The following LUC7L2 variants were observed in gnomAD, a reference collection of about 807,000 sequenced individuals.
The protein encoded by LUC7L2 is LUC7 like 2, pre-mRNA splicing factor, also known as putative RNA-binding protein Luc7-like 2.
LUC7L2 carries 25 observed loss-of-function variants against 52.8 expected under a neutral mutation model. The observed-to-expected ratio is 0.47, with a 90% CI of 0.34 to 0.66. The LOEUF is 0.66. LUC7L2 is among the 30% of genes least tolerant of loss of function. LUC7L2 has a pLI of 0.01. For missense variants in LUC7L2, 328 were observed against 497.8 expected (o/e 0.66, Z 3.25); for synonymous variants, 144 against 160.9 (o/e 0.89, Z 0.80).
At chr7:139,413,863 A>G (rs919585394) in intron 8 of LUC7L2, among the ~76,000 whole-genome samples, 4 of 152,224 alleles carry the variant, frequency 2.6e-5, no homozygotes, top group African/African-American at 9.6e-5. Context: ...ACTAAAGAAC[A>G]TTAATAAGTG....
chr7:139,407,006 T>TTTTTG (rs1468071767), intron 5 of LUC7L2, among the ~76,000 whole-genome samples, 168 bp from the exon 6 acceptor site: 3 of 145,022 alleles, frequency 2.1e-5, no homozygotes, highest in Non-Finnish European at 4.5e-5. Context: ...TTGTGGTTTT[T>TTTTTG]TTTTTTTTTT....
chr7:139,352,096 G>A (rs971604691), intron 1 of LUC7L2, among the ~76,000 whole-genome samples: 9 of 152,170 alleles, frequency 5.9e-5, no homozygotes, highest in African/African-American at 2.2e-4. Flanking sequence ...TCAGGAGGCC[G>A]AGGTAGGAAG....
chr7:139,418,961 A>G (rs1456544472), intron 9 of LUC7L2, among the ~76,000 whole-genome samples: 2 of 152,080 alleles, frequency 1.3e-5, no homozygotes, highest in African/African-American at 4.8e-5. Flanking sequence ...AAATACAAAC[A>G]TTAGCCGGGC....
chr7:139,417,759 G>A (rs1795688373), intron 9 of LUC7L2, 30 bp downstream of exon 9: 3 of 1,601,052 alleles, frequency 1.9e-6, no homozygotes, highest in African/African-American at 1.3e-5. Flanking sequence ...AGGATATGGA[G>A]CTACCTTAAT....
rs1293269830 is a variant in LUC7L2 at position 139,383,404 on chromosome 7, G to T, written c.156+7248G>T. Among the ~76,000 whole-genome samples, 3 of 140,942 alleles carry T rather than the reference G, an allele frequency of 2.1e-5. No homozygotes were observed. The East Asian group carries it at 6.6e-4, about 31-fold the overall frequency. 92.5% of individuals were successfully genotyped at this position (140,942 alleles called of 152,430 possible). ...AAGTGGAGAGTATCTTGGCTTTATT[G>T]GATTTATTTATTTATTTATTTTTTG... On this transcript the variant is annotated intron_variant, in intron 2 of 9. Transcript: ENST00000354926.
chr7:139,352,546 GCTTA>G (rs1177464878), intron 1 of LUC7L2, among the ~76,000 whole-genome samples: 1 of 152,150 alleles, frequency 6.6e-6, no homozygotes, highest in African/African-American at 2.4e-5. Flanking sequence ...TAGTTTATAT[GCTTA>G]CTGATTTTAA....
At chr7:139,405,546 CTTAGA>C (rs1795082309) in intron 4 of LUC7L2, 93 bp from the exon 5 acceptor site, 1 of 1,404,194 alleles carries the variant, frequency 7.1e-7, no homozygotes, top group East Asian at 2.5e-5. Context: ...CACATACTGC[CTTAGA>C]TAACAAGTTT....
chr7:139,343,830 G>A (rs923429179), intron 1 of LUC7L2, among the ~76,000 whole-genome samples: 4 of 151,648 alleles, frequency 2.6e-5, no homozygotes, highest in African/African-American at 4.8e-5. Context: ...AGCTACTTGC[G>A]GGGCTGAGGC....
rs1004384604 is a variant in LUC7L2, at chr7:139,422,183, G to A, written c.1022G>A (p.Arg341Lys). The A allele has an allele frequency of 6.3e-7, 1 of 1,598,026 alleles. No individual in the cohort carries two copies. Among genetic ancestry groups the A allele is most frequent in the Non-Finnish European group, 8.5e-7 (1 of 1,176,158 alleles). The change falls in exon 10 of 10, where the codon AGA (arginine) becomes AAA (lysine). Residue 341 changes from arginine to lysine, a missense_variant. Arg to Lys is a conservative substitution (Grantham distance 26). Around this residue, in one of 2 missense-constraint regions of LUC7L2, gnomAD observed 195 missense variants for 223.3 expected, o/e 0.87. Coordinates refer to ENST00000354926, the MANE Select transcript of LUC7L2 (RefSeq NM_016019.5). ...SKRRSSKERF[R>K]DQDLASCDRD... is the part of the protein sequence containing the mutation. ...TTCAGATCCTCAAAAGAAAGATTCA[G>A]AGACCAAGACTTAGCATCATGTGAC...
chr7:139,385,527 T>C (rs1747792952), intron 2 of LUC7L2, among the ~76,000 whole-genome samples: 1 of 152,004 alleles, frequency 6.6e-6, no homozygotes, highest in Non-Finnish European at 1.5e-5. Context: ...CGCCATGCTG[T>C]CCAGGCTCTT....
chr7:139,405,579 A>G, intron 4 of LUC7L2, 65 bp from the exon 5 acceptor site: 1 of 1,498,904 alleles, frequency 6.7e-7, no homozygotes, highest in Non-Finnish European at 8.9e-7. Context: ...GCAGTTCTGA[A>G]ATACTTTGAA....
At chr7:139,340,513 C>A in exon 1 of LUC7L2, 1 of 398,490 alleles carries the variant, frequency 2.5e-6, no homozygotes, top group South Asian at 1.3e-4. Context: ...GGTGCAGTTT[C>A]GAGGGTAAAG....
chr7:139,406,660 TTTG>T (rs777370474), intron 5 of LUC7L2, among the ~76,000 whole-genome samples: 10 of 152,106 alleles, frequency 6.6e-5, no homozygotes, highest in Admixed American at 1.3e-4. Flanking sequence ...GGCCTGTTTT[TTTG>T]TTGTTGTTGT....
chr7:139,405,313 T>C (rs1410305494), intron 4 of LUC7L2, among the ~76,000 whole-genome samples: 4 of 152,192 alleles, frequency 2.6e-5, no homozygotes, highest in Non-Finnish European at 5.9e-5. Context: ...ATAAATTATG[T>C]TGTGAGGTGG....
chr7:139,417,533 G>C lies in LUC7L2; in HGVS notation c.810-5G>C. ...GTAGAAACAAAATCAAATCTTGTCT[G>C]GTAGATCCAGGTCCAGAGAGCATCG... is the stretch of plus-strand genomic sequence containing the variant. On this transcript the variant is annotated splice_region_variant and splice_polypyrimidine_tract_variant and intron_variant, in intron 8 of 9. Transcript: ENST00000354926. 1 of 1,607,450 alleles carries C rather than the reference G, an allele frequency of 6.2e-7. No individual in the cohort carries two copies. Among genetic ancestry groups the C allele is most frequent in the East Asian group, 2.2e-5 (1 of 44,722 alleles).
Position 139,360,113 on chromosome 7 carries a change from A to G in LUC7L2, c.-149A>G, listed in dbSNP as rs1219199037. On this transcript the variant is annotated 5_prime_UTR_variant, in exon 1 of 10. Coordinates refer to ENST00000354926, the MANE Select transcript of LUC7L2 (RefSeq NM_016019.5). ...GAGCGCAGTCCGGACTCTTCCCGCAACCCCTCCGGCTCCCTTTCCGCACGC... is the reference window on the plus strand; with the variant it reads ...GAGCGCAGTCCGGACTCTTCCCGCAGCCCCTCCGGCTCCCTTTCCGCACGC... 9 of 590,412 alleles carry G rather than the reference A, an allele frequency of 1.5e-5. No individual in the cohort carries two copies. The highest frequency in any genetic ancestry group is 2.7e-5 in the Non-Finnish European group (9 of 337,972). The allele number at this position is 590,412 out of a possible 1,614,324, so 36.6% of individuals were successfully genotyped here.
At chr7:139,388,659 G>A (rs1569380453) in intron 2 of LUC7L2, among the ~76,000 whole-genome samples, 1 of 150,182 alleles carries the variant, frequency 6.7e-6, no homozygotes, top group East Asian at 1.9e-4. Context: ...TATCATACTA[G>A]ATGCTGCTAC....
chr7:139,369,120 T>C (rs996798022), intron 1 of LUC7L2, among the ~76,000 whole-genome samples: 3 of 152,250 alleles, frequency 2.0e-5, no homozygotes, highest in African/African-American at 7.2e-5. Flanking sequence ...TCTTTGATTA[T>C]TTTCAGCTAT....
intron 3 of LUC7L2, among the ~76,000 whole-genome samples, chr7:139,399,487 T>G (rs1184422255): frequency 4.6e-5 from 5 of 109,356 alleles, no homozygotes; most frequent in Admixed American, 2.8e-4. Context: ...TTTTTTTTTT[T>G]GAGACAGAGT....
Sources: gnomAD v4.1 joint callset for allele counts (sites outside exome capture counted in the v4.1 genomes callset) on GRCh38, gnomAD v4.1.1 for gene constraint, gnomAD v4.1.1 regional missense constraint, MANE v1.5 for transcripts, NCBI Gene and HGNC (gene_info 2026-07-23, HGNC 2026-07-21) for gene names.